Variants in RYR2 observed in about 807,000 individuals in gnomAD.
The protein encoded by RYR2 is cardiac muscle ryanodine receptor-calcium release channel.
A neutral mutation model predicts 601.1 loss-of-function variants in RYR2; 227 were observed. The ratio of observed to expected loss-of-function variants is 0.38; its 90% CI spans 0.34 to 0.42. The LOEUF (loss-of-function observed/expected upper bound fraction) is 0.42. RYR2 is among the 10% of genes least tolerant of loss of function. The probability of loss-of-function intolerance (pLI) is 1.00; values close to 1 mark genes in which losing one functional copy is unlikely to be tolerated. For missense variants in RYR2, 4,646 were observed against 6,156.5 expected, an observed-to-expected ratio of 0.75 and a Z score of 8.21; for synonymous variants, 2,223 against 2,175.1, an observed-to-expected ratio of 1.02 and a Z score of -0.61.
chr1:237,184,336 A>G (rs949214838), intron 1 of RYR2, among the ~76,000 whole-genome samples: 4 of 152,218 alleles, frequency 2.6e-5, no homozygotes, highest in African/African-American at 4.8e-5. Flanking sequence ...CTTTCTCCCA[A>G]TTATGAGATG....
chr1:237,286,682 A>C, intron 2 of RYR2, among the ~76,000 whole-genome samples: 1 of 151,200 alleles, frequency 6.6e-6, no homozygotes, highest in South Asian at 2.1e-4. Flanking sequence ...CTTTACTTTA[A>C]GTTTATGTGA....
intron 10 of RYR2, among the ~76,000 whole-genome samples, chr1:237,397,302 A>C (rs190610709): frequency 5.0e-4 from 76 of 152,298 alleles, no homozygotes; most frequent in Non-Finnish European, 9.9e-4. Context: ...AAATCTATGA[A>C]ATATTTTACA....
Position 237,650,066 on chromosome 1 carries a change from T to C in RYR2, c.7702T>C (p.Ser2568Pro). The C allele has an allele frequency of 6.2e-7, 1 of 1,614,046 alleles. No homozygotes were observed. Among genetic ancestry groups the C allele is most frequent in the Non-Finnish European group, 8.5e-7 (1 of 1,179,890 alleles). Residue 2568 changes from serine to proline, a missense_variant, in exon 50 of 105, where the codon TCC becomes CCC. Ser to Pro is a moderately conservative substitution (Grantham distance 74, BLOSUM62 -1). Around this residue, in one of 17 missense-constraint regions of RYR2, gnomAD observed 1,497 missense variants for 1,842.6 expected, o/e 0.81. Coordinates refer to ENST00000366574, the MANE Select transcript of RYR2 (RefSeq NM_001035.3). ...TTCACTTACCAAAGCTCAGCGGGAT[T>C]CCATAGAAGTTTGTTTACTCTCTAT... The part of the protein sequence containing the change: ...GCSLTKAQRD[S>P]IEVCLLSICG...
intron 24 of RYR2, 89 bp from the exon 25 acceptor site, chr1:237,530,338 G>T: frequency 2.1e-6 from 2 of 931,812 alleles, no homozygotes; most frequent in Non-Finnish European, 3.3e-6. Flanking sequence ...GTGCTTTCAA[G>T]GTTGTATCTC....
intron 2 of RYR2, among the ~76,000 whole-genome samples, chr1:237,305,207 G>A (rs1693754730): frequency 1.3e-5 from 2 of 152,202 alleles, no homozygotes; most frequent in South Asian, 4.1e-4. Flanking sequence ...ATTTGTTGCA[G>A]TATTGATGGG....
chr1:237,720,558 T>C (rs1689634013), intron 73 of RYR2, among the ~76,000 whole-genome samples: 2 of 152,350 alleles, frequency 1.3e-5, no homozygotes, highest in African/African-American at 4.8e-5. Context: ...AAAGCCTCTA[T>C]TGGAACTTCA....
rs569076544 is a variant in RYR2, at chr1:237,098,287, A to G, written c.48+55718A>G. 6.6e-5 allele frequency among the ~76,000 whole-genome samples: 10 copies of G among 152,296 alleles called. No individual in the cohort carries two copies. The East Asian group carries it at 7.7e-4, about 12-fold the overall frequency. ...TAATTGACAATTAAAAATTGCATAT[A>G]CTCAAAATGTACATATGATGTTTTG... On this transcript the variant is annotated intron_variant, in intron 1 of 104. Transcript: ENST00000366574.
chr1:237,129,180 C>T (rs1671872620), intron 1 of RYR2, among the ~76,000 whole-genome samples: 1 of 152,198 alleles, frequency 6.6e-6, no homozygotes, highest in African/African-American at 2.4e-5. Context: ...CAGTAGCATC[C>T]CAGCTGGTAT....
intron 1 of RYR2, among the ~76,000 whole-genome samples, chr1:237,131,925 C>T (rs184780257): frequency 1.3e-3 from 199 of 152,106 alleles, no homozygotes; most frequent in Non-Finnish European, 2.3e-3. Flanking sequence ...GGACGCCCTA[C>T]GTTGCCCAGG....
At chr1:237,482,275 G>A (rs1446795850) in intron 17 of RYR2, among the ~76,000 whole-genome samples, 1 of 152,048 alleles carries the variant, frequency 6.6e-6, no homozygotes, top group Non-Finnish European at 1.5e-5. Flanking sequence ...GCACTGTTGT[G>A]CTATCTAGTA....
At chr1:237,483,295 T>A (rs1156434149) in intron 17 of RYR2, among the ~76,000 whole-genome samples, 1 of 152,220 alleles carries the variant, frequency 6.6e-6, no homozygotes, top group Admixed American at 6.5e-5. Flanking sequence ...ATTTGCCTTA[T>A]TTTATTTCAA....
At chr1:237,351,854 C>CAAAAAAAAAA (rs33955032) in intron 3 of RYR2, among the ~76,000 whole-genome samples, 4 of 40,932 alleles carry the variant, frequency 9.8e-5, no homozygotes, top group East Asian at 8.0e-4. Flanking sequence ...AAAGACCATG[C>CAAAAAAAAAA]AAAAAAAAAA....
chr1:237,369,435 TA>T lies in RYR2; in HGVS notation c.310-97del, dbSNP rs1700464344. The stretch of plus-strand genomic sequence containing the variant: ...GAGCTCTTAATACATTCTTTCCTAC[TA>T]ACGTTCCTTTGAGAGCAAGAGAGTA... On this transcript the variant is annotated intron_variant, in intron 5 of 104. Transcript: ENST00000366574. The T allele has an allele frequency of 1.1e-5, 11 of 992,182 alleles. No homozygotes were observed. In the Middle Eastern group the frequency reaches 2.3e-3, roughly 205 times the overall value. The allele number at this position is 992,182 out of a possible 1,614,324, so 61.5% of individuals were successfully genotyped here.
intron 67 of RYR2, 112 bp downstream of exon 67, chr1:237,705,455 T>A: frequency 2.3e-6 from 2 of 860,358 alleles, no homozygotes; most frequent in Non-Finnish European, 3.5e-6. Context: ...TATCCAATCT[T>A]GTTTGTTCTT....
chr1:237,502,708 C>T (rs994837122), intron 21 of RYR2, among the ~76,000 whole-genome samples: 5 of 152,032 alleles, frequency 3.3e-5, no homozygotes, highest in Admixed American at 1.3e-4. Flanking sequence ...CTCCCTTGTG[C>T]AGCCTGGTTC....
chr1:237,707,938 ATTTT>A (rs57642607), intron 68 of RYR2, among the ~76,000 whole-genome samples: 7 of 120,154 alleles, frequency 5.8e-5, no homozygotes, highest in Non-Finnish European at 8.6e-5. Context: ...TGCCCAGCTA[ATTTT>A]TTTTTTTTTT....
chr1:237,323,422 A>C (rs917756378), intron 2 of RYR2, among the ~76,000 whole-genome samples: 1 of 152,158 alleles, frequency 6.6e-6, no homozygotes, highest in African/African-American at 2.4e-5. Flanking sequence ...GATATATGTG[A>C]GCTGATGTGA....
chr1:237,420,216 C>T (rs1385775063), intron 11 of RYR2, among the ~76,000 whole-genome samples: 2 of 151,976 alleles, frequency 1.3e-5, no homozygotes, highest in Non-Finnish European at 2.9e-5. Context: ...TTACTCCAGG[C>T]AAAATTATAG....
chr1:237,224,804 G>GA (rs1684185025), intron 1 of RYR2, among the ~76,000 whole-genome samples: 1 of 152,110 alleles, frequency 6.6e-6, no homozygotes, highest in South Asian at 2.1e-4. Context: ...AGGCTGCAGT[G>GA]AACCATGATT....
Sources: gnomAD v4.1 joint callset for allele counts (sites outside exome capture counted in the v4.1 genomes callset) on GRCh38, gnomAD v4.1.1 for gene constraint, gnomAD v4.1.1 regional missense constraint, MANE v1.5 for transcripts, NCBI Gene and HGNC (gene_info 2026-07-23, HGNC 2026-07-21) for gene names.